Variants in KHDRBS2 observed in about 807,000 individuals in gnomAD.
KHDRBS2 encodes KH RNA binding domain containing, signal transduction associated 2.
Under a neutral mutation model 44.3 loss-of-function variants are expected in KHDRBS2, and 26 were observed. The observed-to-expected ratio is 0.59, with a 90% confidence interval of 0.43 to 0.81. The LOEUF (loss-of-function observed/expected upper bound fraction) is 0.81, where lower values mean the gene tolerates loss of function less well. KHDRBS2 is among the 40% of genes least tolerant of loss of function. The pLI is 0.00. For missense variants in KHDRBS2, 476 were observed against 433.1 expected, an observed-to-expected ratio of 1.10 and a Z score of -0.88; for synonymous variants, 194 against 151.1, an observed-to-expected ratio of 1.28 and a Z score of -2.08.
At chr6:62,147,489 T>A (rs1285516867) in intron 2 of KHDRBS2, among the ~76,000 whole-genome samples, 1 of 149,482 alleles carries the variant, frequency 6.7e-6, no homozygotes, top group African/African-American at 2.4e-5. Context: ...TTCCTCAGTA[T>A]TTTTTTTTTC....
intron 2 of KHDRBS2, among the ~76,000 whole-genome samples, chr6:62,141,049 T>C (rs1812698450): frequency 6.6e-6 from 1 of 152,180 alleles, no homozygotes; most frequent in Admixed American, 6.5e-5. Context: ...TTTCATATTG[T>C]TATAACTACG....
At chr6:61,833,631 A>T (rs1319633109) in intron 6 of KHDRBS2, among the ~76,000 whole-genome samples, 1 of 152,122 alleles carries the variant, frequency 6.6e-6, no homozygotes, top group Non-Finnish European at 1.5e-5. Flanking sequence ...TCCATCATTC[A>T]TCATTCGAGG....
the KHDRBS2 span, among the ~76,000 whole-genome samples, chr6:61,550,400 T>C: frequency 6.6e-6 from 1 of 152,308 alleles, no homozygotes; most frequent in East Asian, 1.9e-4. Flanking sequence ...TAGTATTCCA[T>C]GGTGCATATG....
At chr6:61,906,999 T>C (rs1460466868) in intron 4 of KHDRBS2, among the ~76,000 whole-genome samples, 1 of 152,270 alleles carries the variant, frequency 6.6e-6, no homozygotes, top group East Asian at 1.9e-4. Flanking sequence ...TTCTCCATAG[T>C]GCTGGTACAA....
chr6:62,160,027 G>A (rs1817296086), intron 2 of KHDRBS2, among the ~76,000 whole-genome samples: 1 of 152,084 alleles, frequency 6.6e-6, no homozygotes, highest in Non-Finnish European at 1.5e-5. Flanking sequence ...CTTTCATAAA[G>A]TATTTATTGA....
chr6:61,674,634 A>T, the KHDRBS2 span, among the ~76,000 whole-genome samples: 2 of 151,756 alleles, frequency 1.3e-5, no homozygotes, highest in Non-Finnish European at 2.9e-5. Context: ...TATCAATCAT[A>T]AATCATGTAA....
chr6:61,716,056 G>A (rs9342059), intron 7 of KHDRBS2, among the ~76,000 whole-genome samples: 54,437 of 151,518 alleles, frequency 0.36, 10,492 homozygotes, highest in East Asian at 0.48. Flanking sequence ...TCTTGAATCT[G>A]GCTGGACTTG....
chr6:61,556,615 T>A, the KHDRBS2 span, among the ~76,000 whole-genome samples: 2 of 152,008 alleles, frequency 1.3e-5, no homozygotes, highest in African/African-American at 4.8e-5. Context: ...AAAAAGAACC[T>A]AATTCAGCTT....
chr6:62,210,478 A>C (rs1323721487), intron 1 of KHDRBS2, among the ~76,000 whole-genome samples: 1 of 151,782 alleles, frequency 6.6e-6, no homozygotes, highest in African/African-American at 2.4e-5. Context: ...TTACAGGCAC[A>C]CACCACCACA....
At chr6:62,278,323 T>C (rs1447256667) in intron 1 of KHDRBS2, among the ~76,000 whole-genome samples, 1 of 152,090 alleles carries the variant, frequency 6.6e-6, no homozygotes, top group African/African-American at 2.4e-5. Flanking sequence ...CAAACCTCAC[T>C]TCCTCCCCTT....
chr6:61,739,024 CACGTGTGT>C (rs1775785905), intron 6 of KHDRBS2, among the ~76,000 whole-genome samples: 1 of 151,808 alleles, frequency 6.6e-6, no homozygotes. Context: ...AAATTGTATG[CACGTGTGT>C]CTATGCACAT....
chr6:62,108,206 G>C (rs562034132), intron 2 of KHDRBS2, among the ~76,000 whole-genome samples: 212 of 152,112 alleles, frequency 1.4e-3, no homozygotes, highest in Non-Finnish European at 2.3e-3. Flanking sequence ...CTGACAAAGG[G>C]CTAATATCCA....
chr6:62,154,404 ATTT>A (rs1312322446), intron 2 of KHDRBS2, among the ~76,000 whole-genome samples: 1 of 152,202 alleles, frequency 6.6e-6, no homozygotes, highest in African/African-American at 2.4e-5. Context: ...CACCAAAGTG[ATTT>A]TATAGGACTT....
chr6:62,265,214 G>T (rs1838997442), intron 1 of KHDRBS2, among the ~76,000 whole-genome samples: 1 of 151,924 alleles, frequency 6.6e-6, no homozygotes, highest in African/African-American at 2.4e-5. Context: ...TCTAGAAAAT[G>T]AGCTATTTGA....
At chr6:61,719,946 A>C (rs560248725) in intron 7 of KHDRBS2, among the ~76,000 whole-genome samples, 143 of 152,128 alleles carry the variant, frequency 9.4e-4, no homozygotes, top group African/African-American at 3.2e-3. Flanking sequence ...ACCCCACAAC[A>C]GTCCCCAGAG....
intron 3 of KHDRBS2, among the ~76,000 whole-genome samples, chr6:61,999,453 T>C (rs1476672620): frequency 6.6e-6 from 1 of 152,130 alleles, no homozygotes; most frequent in Admixed American, 6.6e-5. Flanking sequence ...TTAAAGTTGT[T>C]TTCAGTATAC....
chr6:61,881,033 G>A (rs1186894663), intron 6 of KHDRBS2, among the ~76,000 whole-genome samples: 4 of 151,870 alleles, frequency 2.6e-5, no homozygotes, highest in Non-Finnish European at 5.9e-5. Context: ...AGTTTCAGAG[G>A]AGGAAAGATA....
intron 6 of KHDRBS2, among the ~76,000 whole-genome samples, chr6:61,763,971 T>C (rs1420073774): frequency 3.3e-5 from 5 of 152,122 alleles, no homozygotes; most frequent in Non-Finnish European, 7.4e-5. Flanking sequence ...ATCCTGATGC[T>C]TTCCCACCCC....
At chr6:61,913,351 T>C (rs1374515525) in intron 4 of KHDRBS2, among the ~76,000 whole-genome samples, 1 of 152,016 alleles carries the variant, frequency 6.6e-6, no homozygotes, top group African/African-American at 2.4e-5. Context: ...TGTGGAGTAC[T>C]GGAACAAGCT....
Sources: allele counts gnomAD v4.1 joint callset (sites outside exome capture counted in the v4.1 genomes callset), GRCh38; gene constraint gnomAD v4.1.1; transcripts MANE v1.5; gene names NCBI Gene and HGNC (gene_info 2026-07-23, HGNC 2026-07-21).